Variants in PLK4 observed in about 807,000 individuals in gnomAD.
The protein encoded by PLK4 is serine/threonine-protein kinase PLK4.
In PLK4, 51 loss-of-function variants were observed where a neutral mutation model predicts 103.0. The observed-to-expected ratio is 0.50, with a 90% CI of 0.40 to 0.63. The LOEUF is 0.63. Ranked by LOEUF, PLK4 falls within the 20% of genes least tolerant of loss-of-function variation. PLK4 has a pLI of 0.00. For synonymous variants in PLK4, 389 were observed against 376.8 expected (o/e 1.03, Z -0.38); for missense variants, 1,054 against 1,151.0 (o/e 0.92, Z 1.22).
At position 127,883,246 on chromosome 4, in the gene PLK4, A is replaced by C. The variant is rs781317526; in HGVS notation, c.127-16A>C. The C allele has an allele frequency of 7.6e-7, 1 of 1,307,718 alleles. No individual in the cohort carries two copies. Among genetic ancestry groups the C allele is most frequent in the South Asian group, 1.3e-5 (1 of 79,990 alleles). The allele number at this position is 1,307,718 out of a possible 1,614,324, so 81.0% of individuals were successfully genotyped here. A position where few individuals can be genotyped will look rare whatever the true frequency, so the allele number is the denominator to read the frequency against. On this transcript the variant is annotated splice_polypyrimidine_tract_variant and intron_variant, in intron 2 of 15. Coordinates refer to ENST00000270861, the MANE Select transcript of PLK4 (RefSeq NM_014264.5). ...ATATTTGAAAGTCTGTCAACATTTA[A>C]ACCTGTTATTTTTAGATAGATAAGA...
chr4:127,884,798 G>A (rs527614334), intron 4 of PLK4, among the ~76,000 whole-genome samples: 4 of 152,076 alleles, frequency 2.6e-5, no homozygotes, highest in Admixed American at 6.5e-5. Flanking sequence ...AAATTAGCTC[G>A]GTGTGGTGGT....
chr4:127,897,824 CTTTTTTTTTTTT>C (rs200741150), intron 15 of PLK4, among the ~76,000 whole-genome samples: 17 of 28,800 alleles, frequency 5.9e-4, no homozygotes, highest in South Asian at 4.4e-3. Flanking sequence ...AGAATTAGGG[CTTTTTTTTTTTT>C]TTTTTTTTTT....
rs1212118799 is a variant in PLK4 at position 127,893,834 on chromosome 4, A to G, written c.2515A>G (p.Met839Val). The change falls in exon 13 of 16, where the codon ATG becomes GTG. Residue 839 changes from methionine to valine, a missense_variant. By Grantham distance (21) the Met-to-Val change is conservative (BLOSUM62 1). Around this residue, in one of 4 missense-constraint regions of PLK4, gnomAD observed 167 missense variants for 200.7 expected, o/e 0.83. Coordinates refer to ENST00000270861, the MANE Select transcript of PLK4 (RefSeq NM_014264.5). ...RERASFNRMV[M>V]HSAASPTQAP... is the part of the protein sequence containing the mutation. The stretch of plus-strand genomic sequence containing the variant: ...GAGAGCATCTTTCAACAGAATGGTC[A>G]TGCATAGTGCTGCTTCTCCAACACA... 3.1e-6 allele frequency: 5 copies of G among 1,610,790 alleles called. No individual in the cohort carries two copies. Among genetic ancestry groups the G allele is most frequent in the Non-Finnish European group, 4.2e-6 (5 of 1,177,136 alleles).
Position 127,886,477 on chromosome 4 carries a change from T to G in PLK4, c.1107T>G (p.His369Gln). The G allele has an allele frequency of 6.2e-7, 1 of 1,614,122 alleles. No homozygotes were observed. Among genetic ancestry groups the G allele is most frequent in the Non-Finnish European group, 8.5e-7 (1 of 1,179,960 alleles). The change falls in exon 5 of 16, where the codon CAT becomes CAG. Residue 369 changes from histidine (H) to glutamine (Q), a missense_variant. By Grantham distance (24) the His-to-Gln change is conservative. Transcript: ENST00000270861. ...TTCAAGATGCAGAAGAAAGGCCACA[T>G]TCTCGATACCTTCGTAGAGCTTATT... The part of the protein sequence containing the change: ...RVIQDAEERP[H>Q]SRYLRRAYSS...
chr4:127,881,097 G>A lies in PLK4; in HGVS notation c.-38G>A. Reference sequence around the variant, plus strand: ...GCTGCCTCGAAGGGACTGCGTGAAGGAAGCTAATCCGGAGAACCCAGGCCA... The same window carrying A: ...GCTGCCTCGAAGGGACTGCGTGAAGAAAGCTAATCCGGAGAACCCAGGCCA... On this transcript the variant is annotated 5_prime_UTR_variant, in exon 1 of 16. Transcript: ENST00000270861. The A allele has an allele frequency of 1.9e-6, 3 of 1,613,248 alleles. No individual in the cohort carries two copies. The highest frequency in any genetic ancestry group is 1.1e-5 in the South Asian group (1 of 91,042).
chr4:127,890,257 A>C, intron 7 of PLK4, 21 bp downstream of exon 7: 1 of 1,550,196 alleles, frequency 6.5e-7, no homozygotes, highest in Non-Finnish European at 8.7e-7. Flanking sequence ...TATCTTCTTA[A>C]GTTACTAAAT....
intron 14 of PLK4, 112 bp from the exon 15 acceptor site, chr4:127,896,689 A>C (rs558192498): frequency 7.4e-5 from 39 of 525,680 alleles, no homozygotes; most frequent in African/African-American, 7.0e-4. Context: ...TAAATATGTT[A>C]AATATTAATA....
At chr4:127,887,354 A>AT (rs1560694777) in intron 5 of PLK4, 42 bp from the exon 6 acceptor site, 2 of 1,107,798 alleles carry the variant, frequency 1.8e-6, no homozygotes, top group South Asian at 1.4e-5. Flanking sequence ...TTACCTGATA[A>AT]TTTTTTATTA....
chr4:127,889,249 G>C (rs1735260147), intron 6 of PLK4, among the ~76,000 whole-genome samples: 1 of 152,048 alleles, frequency 6.6e-6, no homozygotes. Context: ...ATCATTTAAA[G>C]CCTGTAAAAG....
rs1413720448 is a variant in PLK4, at chr4:127,886,182, C to T, written c.812C>T (p.Thr271Ile). ...CCTTTTATGTCCCGAAATTCTTCAACAAAAAGTAAAGATTTAGGAACTGTG... is the reference window on the plus strand; with the variant it reads ...CCTTTTATGTCCCGAAATTCTTCAATAAAAAGTAAAGATTTAGGAACTGTG... ...DHPFMSRNSS[T>I]KSKDLGTVED... Residue 271 changes from threonine to isoleucine, a missense_variant, in exon 5 of 16, where the codon ACA becomes ATA. Coordinates refer to ENST00000270861, the MANE Select transcript of PLK4 (RefSeq NM_014264.5). The T allele has an allele frequency of 6.2e-7, 1 of 1,613,710 alleles. No individual in the cohort carries two copies. The highest frequency in any genetic ancestry group is 8.5e-7 in the Non-Finnish European group (1 of 1,179,868).
Position 127,898,811 on chromosome 4 carries a change from A to G in PLK4, c.*270A>G, listed in dbSNP as rs963040718. The G allele has an allele frequency of 1.6e-5, 4 of 250,504 alleles. No homozygotes were observed. Among genetic ancestry groups the G allele is most frequent in the Non-Finnish European group, 3.0e-5 (4 of 133,044 alleles). The allele number at this position is 250,504 out of a possible 1,614,324, so 15.5% of individuals were successfully genotyped here. ...TATGTTCATATATTTGTATTGAACA[A>G]TCTTTTAAAAGCAAAAATGTAAATG... On this transcript the variant is annotated 3_prime_UTR_variant, in exon 16 of 16. Coordinates refer to ENST00000270861, the MANE Select transcript of PLK4 (RefSeq NM_014264.5).
chr4:127,891,599 T>C lies in PLK4; in HGVS notation c.1956T>C (p.Asn652=), dbSNP rs1356414480. The C allele has an allele frequency of 1.3e-6, 2 of 1,530,386 alleles. No individual in the cohort carries two copies. Among genetic ancestry groups the C allele is most frequent in the Non-Finnish European group, 1.8e-6 (2 of 1,127,292 alleles). 94.8% of individuals were successfully genotyped at this position (1,530,386 alleles called of 1,614,324 possible). ...GGCAGATCACTATTTATTATCCAAA[T>C]GGTGGTAGAGGTTTTCCTCTTGCTG... ...DGNTITIYYP[N]GGRGFPLADR... Residue 652 remains asparagine (N), a synonymous_variant, in exon 9 of 16, where the codon AAT becomes AAC. Transcript: ENST00000270861.
chr4:127,881,391 C>A, intron 1 of PLK4: 2 of 1,423,636 alleles, frequency 1.4e-6, no homozygotes, highest in Non-Finnish European at 9.1e-7. Context: ...CCCCGCCCGG[C>A]AGTGTCCCGA....
Position 127,896,962 on chromosome 4 carries a change from T to G in PLK4, c.2810+55T>G, listed in dbSNP as rs1735592702. ...AGCCCTTTGCTATAATTTCTCTTTC[T>G]CTATATGTTGAAATGGATGATTTAA... is the stretch of plus-strand genomic sequence containing the variant. On this transcript the variant is annotated intron_variant, in intron 15 of 15. Coordinates refer to ENST00000270861, the MANE Select transcript of PLK4 (RefSeq NM_014264.5). 28 of 893,584 alleles carry G rather than the reference T, an allele frequency of 3.1e-5. 1 individual carries two copies. The South Asian group carries it at 3.4e-4, about 11-fold the overall frequency. The allele number at this position is 893,584 out of a possible 1,614,324, so 55.4% of individuals were successfully genotyped here.
intron 14 of PLK4, among the ~76,000 whole-genome samples, chr4:127,896,476 A>G (rs569653051): frequency 1.3e-5 from 2 of 152,302 alleles, no homozygotes; most frequent in South Asian, 2.1e-4. Context: ...TGTGGGGGAA[A>G]AAAACCAACA....
chr4:127,890,265 A>G, intron 7 of PLK4, 29 bp downstream of exon 7: 1 of 1,528,728 alleles, frequency 6.5e-7, no homozygotes, highest in Non-Finnish European at 8.8e-7. Flanking sequence ...TAAGTTACTA[A>G]ATAACATTTT....
At chr4:127,887,613 C>A in intron 6 of PLK4, 117 bp downstream of exon 6, 1 of 669,918 alleles carries the variant, frequency 1.5e-6, no homozygotes, top group South Asian at 1.9e-5. Flanking sequence ...TGCAGTAGCT[C>A]ATGCCTGTAA....
chr4:127,889,413 T>C (rs1342831810), intron 6 of PLK4, among the ~76,000 whole-genome samples: 1 of 152,194 alleles, frequency 6.6e-6, no homozygotes, highest in East Asian at 1.9e-4. Flanking sequence ...TTGCATATTT[T>C]CATTAATTGC....
intron 7 of PLK4, among the ~76,000 whole-genome samples, 178 bp downstream of exon 7, chr4:127,890,414 T>C (rs1578761424): frequency 6.6e-6 from 1 of 151,308 alleles, no homozygotes; most frequent in African/African-American, 2.5e-5. Flanking sequence ...TTTCCCTCTA[T>C]CTTCTTAATT....
Sources: gnomAD v4.1 joint callset for allele counts (sites outside exome capture counted in the v4.1 genomes callset) on GRCh38, gnomAD v4.1.1 for gene constraint, gnomAD v4.1.1 regional missense constraint, MANE v1.5 for transcripts, NCBI Gene and HGNC (gene_info 2026-07-23, HGNC 2026-07-21) for gene names.